Variants in LZTR1 observed in about 807,000 individuals in gnomAD.
LZTR1 encodes leucine-zipper-like transcriptional regulator 1.
In LZTR1, 260 loss-of-function variants were observed where a neutral mutation model predicts 105.7. That is an observed-to-expected ratio of 2.46 (90% CI 2.22 to 2.72). LZTR1 has a LOEUF of 2.72. Ranked by LOEUF, LZTR1 falls within the 30% of genes most tolerant of loss-of-function variation. The pLI is 0.00. For synonymous variants in LZTR1, 490 were observed against 476.4 expected, an observed-to-expected ratio of 1.03 and a Z score of -0.37; for missense variants, 1,214 against 1,166.9, an observed-to-expected ratio of 1.04 and a Z score of -0.59.
chr22:20,992,329 G>A lies in LZTR1; in HGVS notation c.1109G>A (p.Gly370Asp), dbSNP rs1371569888. ...KSRDVFGLDFGTTSAKQPTQP... is the reference protein window; with the variant it reads ...KSRDVFGLDFDTTSAKQPTQP... ...CGAGATGTGTTTGGCCTGGACTTTG[G>A]CACCACCTCAGCCAAGCAGCCCACC... is the stretch of plus-strand genomic sequence containing the variant. Residue 370 changes from glycine to aspartate, a missense_variant, in exon 10 of 21, where the codon GGC (glycine) becomes GAC (aspartate). Physicochemically the swap from Gly to Asp is moderately conservative, Grantham distance 94. Coordinates refer to ENST00000646124, the MANE Select transcript of LZTR1 (RefSeq NM_006767.4). The A allele has an allele frequency of 6.2e-7, 1 of 1,613,736 alleles. No homozygotes were observed. The highest frequency in any genetic ancestry group is 1.3e-5 in the African/African-American group (1 of 74,916).
rs570867295 is a variant in LZTR1 at position 20,991,308 on chromosome 22, A to C, written c.792-320A>C. 49 of 370,502 alleles carry C rather than the reference A, an allele frequency of 1.3e-4. No homozygotes were observed. The East Asian group carries it at 2.1e-3, about 16-fold the overall frequency. The allele number at this position is 370,502 out of a possible 1,614,324, so 23.0% of individuals were successfully genotyped here. A position where few individuals can be genotyped will look rare whatever the true frequency, so the allele number is the denominator to read the frequency against. ...CAGTGACCTGCAATGGTCTCTGCACAACTTTACTCCCCAGAGAGCAGGACT... is the reference window on the plus strand; with the variant it reads ...CAGTGACCTGCAATGGTCTCTGCACCACTTTACTCCCCAGAGAGCAGGACT... On this transcript the variant is annotated intron_variant, in intron 8 of 20. Transcript: ENST00000646124.
At chr22:20,985,700 C>T (rs1924354343) in intron 2 of LZTR1, 141 bp from the exon 3 acceptor site, 2 of 685,856 alleles carry the variant, frequency 2.9e-6, no homozygotes, top group East Asian at 5.5e-5. Context: ...TGTTCTTGGG[C>T]ATCAGCTGGT....
intron 6 of LZTR1, among the ~76,000 whole-genome samples, chr22:20,989,097 G>C (rs897754602): frequency 1.3e-5 from 2 of 152,212 alleles, no homozygotes; most frequent in Admixed American, 1.3e-4. Flanking sequence ...GAGTAGCTTG[G>C]ATGAGGATCC....
chr22:20,995,019 G>A lies in LZTR1; in HGVS notation c.1935G>A (p.Val645=), dbSNP rs1248631079. The change falls in exon 16 of 21, where the codon GTG becomes GTA. Residue 645 remains valine, a synonymous_variant. Transcript: ENST00000646124. ...CTCGCACTCCCTTGGACCAGCCAGT[G>A]GACATTGGTAGGGAGCCCCGTTCCC... ...PPPRTPLDQP[V]DIGTSLIQDM... 1.2e-6 allele frequency: 2 copies of A among 1,609,136 alleles called. No homozygotes were observed.
chr22:20,987,669 T>C (rs1269089611), intron 4 of LZTR1, 86 bp downstream of exon 4: 13 of 1,235,840 alleles, frequency 1.1e-5, no homozygotes, highest in African/African-American at 1.0e-4. Flanking sequence ...GCATTTGTGC[T>C]CGTGCTGTGT....
At chr22:20,983,442 T>A (rs1365008940) in intron 2 of LZTR1, among the ~76,000 whole-genome samples, 1 of 152,236 alleles carries the variant, frequency 6.6e-6, no homozygotes, top group Non-Finnish European at 1.5e-5. Flanking sequence ...GGACACAGTT[T>A]TATTTATTTC....
Position 20,992,801 on chromosome 22 carries a change from G to A in LZTR1, c.1157G>A (p.Ser386Asn). 6.3e-7 allele frequency: 1 copy of A among 1,593,864 alleles called. No homozygotes were observed. Among genetic ancestry groups the A allele is most frequent in the Non-Finnish European group, 8.6e-7 (1 of 1,169,140 alleles). The stretch of plus-strand genomic sequence containing the variant: ...TGCCTTCTTGTCCCCCAGCTGCCCA[G>A]TGGGAGGCTCTTCCACGCGGCTGCT... ...QPTQPASELP[S>N]GRLFHAAAVI... The change falls in exon 11 of 21, where the codon AGT (serine) becomes AAT (asparagine). Residue 386 changes from serine (S) to asparagine (N), a missense_variant. By Grantham distance (46) the Ser-to-Asn change is conservative. Transcript: ENST00000646124.
Position 20,994,555 on chromosome 22 carries a change from C to A in LZTR1, c.1616-3C>A. The A allele has an allele frequency of 6.2e-7, 1 of 1,608,094 alleles. No homozygotes were observed. The highest frequency in any genetic ancestry group is 8.5e-7 in the Non-Finnish European group (1 of 1,179,268). ...CCTGAGATTCGGGGGCTCTGGGGCG[C>A]AGGCCATGTGGAGGATGTGCTGCTC... On this transcript the variant is annotated splice_polypyrimidine_tract_variant and splice_region_variant and intron_variant, in intron 14 of 20. Coordinates refer to ENST00000646124, the MANE Select transcript of LZTR1 (RefSeq NM_006767.4).
chr22:20,995,783 G>A lies in LZTR1; in HGVS notation c.1980G>A (p.Glu660=), dbSNP rs977790480. The A allele has an allele frequency of 1.2e-6, 2 of 1,613,634 alleles. No homozygotes were observed. Among genetic ancestry groups the A allele is most frequent in the South Asian group, 1.1e-5 (1 of 91,084 alleles). The change falls in exon 17 of 21, where the codon GAG becomes GAA. Residue 660 remains glutamate, a synonymous_variant. Transcript: ENST00000646124. ...TCCAGGACATGAAGGCATACCTGGA[G>A]GGAGCGGGCGCGGAATTCTGTGACA... is the stretch of plus-strand genomic sequence containing the variant. ...SLIQDMKAYL[E]GAGAEFCDIT...
chr22:20,994,064 G>A (rs1174252024), intron 13 of LZTR1, 40 bp from the exon 14 acceptor site: 4 of 1,586,034 alleles, frequency 2.5e-6, no homozygotes, highest in Non-Finnish European at 3.4e-6. Context: ...GCCATGCCTG[G>A]TGTCCACTGG....
chr22:20,987,944 C>A, intron 4 of LZTR1, 66 bp from the exon 5 acceptor site: 7 of 987,062 alleles, frequency 7.1e-6, no homozygotes, highest in Non-Finnish European at 1.1e-5. Flanking sequence ...TCTGCTCCAC[C>A]TTCCAGGGTT....
In LZTR1 at chr22:20,985,309, C is replaced by T. The variant is rs1924340383; in HGVS notation, c.264-532C>T. Among the ~76,000 whole-genome samples the T allele has an allele frequency of 2.0e-5, 3 of 152,248 alleles. No homozygotes were observed. The South Asian group carries it at 6.2e-4, about 32-fold the overall frequency. ...TCCTGACCTCAAGTGATCCGCCCGC[C>T]TAGGCTTCCCAAAGTGCTGGGATTA... On this transcript the variant is annotated intron_variant, in intron 2 of 20. Coordinates refer to ENST00000646124, the MANE Select transcript of LZTR1 (RefSeq NM_006767.4).
intron 2 of LZTR1, among the ~76,000 whole-genome samples, chr22:20,985,241 G>A (rs1284368720): frequency 6.6e-6 from 1 of 151,774 alleles, no homozygotes; most frequent in Non-Finnish European, 1.5e-5. Flanking sequence ...TGTATTTTTA[G>A]TAGAGATGGG....
chr22:20,988,616 G>A (rs116136110), intron 5 of LZTR1, among the ~76,000 whole-genome samples, 173 bp from the exon 6 acceptor site: 3 of 152,246 alleles, frequency 2.0e-5, no homozygotes, highest in South Asian at 2.1e-4. Context: ...GCCACTAGTC[G>A]GCCTCTGGGG....
chr22:20,994,731 T>C lies in LZTR1; in HGVS notation c.1785+4T>C. The C allele has an allele frequency of 6.2e-7, 1 of 1,610,704 alleles. No individual in the cohort carries two copies. The highest frequency in any genetic ancestry group is 8.5e-7 in the Non-Finnish European group (1 of 1,179,748). On this transcript the variant is annotated splice_donor_region_variant and intron_variant, in intron 15 of 20. Coordinates refer to ENST00000646124, the MANE Select transcript of LZTR1 (RefSeq NM_006767.4). ...GCTGCAGCTGAGCCAACTCAAGGTGTGGGGTGGGGTCAGCGCAATCAGGGT... is the reference window on the plus strand; with the variant it reads ...GCTGCAGCTGAGCCAACTCAAGGTGCGGGGTGGGGTCAGCGCAATCAGGGT...
At chr22:20,985,992 G>A (rs1482655816) in intron 3 of LZTR1, 95 bp downstream of exon 3, 3 of 1,332,466 alleles carry the variant, frequency 2.3e-6, no homozygotes, top group Admixed American at 3.7e-5. Context: ...CTCTCATCAT[G>A]GGAAGCTAGA....
rs1924568466 is a variant in LZTR1, at chr22:20,990,490, CA to C, written c.758del (p.Asn253ThrfsTer98). ...CTGGGCAAAGCGGAGCCAAAATAAC[CA>C]ACAACCTCTTCCAGTTTGAATTCAA... ...FSGQSGAKIT[N>X]NLFQFEFKDK... On this transcript the variant is annotated frameshift_variant, in exon 8 of 21. Coordinates refer to ENST00000646124, the MANE Select transcript of LZTR1 (RefSeq NM_006767.4). LOFTEE classifies it high-confidence loss of function. 6.2e-7 allele frequency: 1 copy of C among 1,613,610 alleles called. No homozygotes were observed. The highest frequency in any genetic ancestry group is 1.3e-5 in the African/African-American group (1 of 74,914).
intron 7 of LZTR1, 88 bp from the exon 8 acceptor site, chr22:20,990,298 A>C (rs1043595997): frequency 6.2e-6 from 9 of 1,460,456 alleles, no homozygotes; most frequent in South Asian, 1.1e-5. Flanking sequence ...TTCAAGAATA[A>C]AAGCAGTCCC....
chr22:20,985,059 A>ATTTTTTT lies in LZTR1; in HGVS notation c.264-769_264-763dup, dbSNP rs34655832. Among the ~76,000 whole-genome samples the ATTTTTTT allele has an allele frequency of 5.0e-4, 60 of 120,306 alleles. 1 individual carries two copies. The highest frequency in any genetic ancestry group is 2.0e-3 in the African/African-American group (59 of 30,182). The allele number at this position is 120,306 out of a possible 152,430, so 78.9% of individuals were successfully genotyped here. On this transcript the variant is annotated intron_variant, in intron 2 of 20. Transcript: ENST00000646124. ...GGCAGGAAAGCAAGACTTCGTTTCT[A>ATTTTTTT]TTTTTTTTTTTTTTTTTTTGAGATG...
Sources: allele counts gnomAD v4.1 joint callset (sites outside exome capture counted in the v4.1 genomes callset), GRCh38; gene constraint gnomAD v4.1.1; transcripts MANE v1.5; gene names NCBI Gene and HGNC (gene_info 2026-07-23, HGNC 2026-07-21).